Variants in CNTN3 observed in about 807,000 individuals in gnomAD.
The protein encoded by CNTN3 is contactin-3.
In CNTN3, 60 loss-of-function variants were observed where a neutral mutation model predicts 119.1. The ratio of observed to expected loss-of-function variants is 0.50; its 90% CI spans 0.41 to 0.62. The LOEUF (loss-of-function observed/expected upper bound fraction) is 0.62, where lower values mean the gene tolerates loss of function less well. Ranked by LOEUF, CNTN3 falls within the 20% of genes least tolerant of loss-of-function variation. The pLI is 0.00. For missense variants in CNTN3, 1,101 were observed against 1,242.4 expected (o/e 0.89, Z 1.71); for synonymous variants, 450 against 438.7 (o/e 1.03, Z -0.32).
intron 13 of CNTN3, among the ~76,000 whole-genome samples, chr3:74,330,730 C>A (rs185580725): frequency 3.3e-5 from 5 of 152,222 alleles, no homozygotes; most frequent in Admixed American, 3.3e-4. Flanking sequence ...CTGCAGACCT[C>A]CCAGTGAGAC....
chr3:74,308,079 G>C (rs1022984332), intron 13 of CNTN3, among the ~76,000 whole-genome samples: 1 of 152,124 alleles, frequency 6.6e-6, no homozygotes, highest in East Asian at 1.9e-4. Flanking sequence ...CTGGAACCTG[G>C]TTGGCGTTTT....
rs567227877 is a variant in CNTN3 at position 74,516,433 on chromosome 3, A to G, written c.55+4625T>C. Among the ~76,000 whole-genome samples the G allele has an allele frequency of 5.3e-5, 8 of 150,546 alleles. No individual in the cohort carries two copies. The South Asian group carries it at 1.7e-3, about 31-fold the overall frequency. On this transcript the variant is annotated intron_variant, in intron 2 of 22. Transcript: ENST00000263665. ...CTTCCACTTAATGAATAGTAACTAC[A>G]TTTTCTCTTCCTTATAATTTTCTTA...
intron 8 of CNTN3, among the ~76,000 whole-genome samples, chr3:74,366,780 G>GTATATATACATATATATA (rs1704202823): frequency 1.6e-5 from 1 of 63,714 alleles, no homozygotes; most frequent in African/African-American, 8.5e-5. Flanking sequence ...GTGTGTGTGT[G>GTATATATACATATATATA]TATATATATA....
At chr3:74,596,262 C>T (rs1224829373) in intron 1 of CNTN3, among the ~76,000 whole-genome samples, 1 of 152,072 alleles carries the variant, frequency 6.6e-6, no homozygotes, top group Non-Finnish European at 1.5e-5. Context: ...CCATACTACC[C>T]AAGGTAATTT....
intron 20 of CNTN3, among the ~76,000 whole-genome samples, chr3:74,282,767 GCT>G (rs1702039282): frequency 1.3e-5 from 2 of 152,068 alleles, no homozygotes; most frequent in Admixed American, 1.3e-4. Flanking sequence ...ATTATTAATG[GCT>G]CTAAGAGATT....
Position 74,598,247 on chromosome 3 carries a change from C to T in CNTN3, c.-81+16144G>A, listed in dbSNP as rs530593957. On this transcript the variant is annotated intron_variant, in intron 1 of 22. Coordinates refer to ENST00000263665, the MANE Select transcript of CNTN3 (RefSeq NM_020872.3). ...GGAATATAAGAGAAAAGAAAGCAAA[C>T]CTGGAAAGCTGGATGATGATAAGTG... 5.3e-5 allele frequency among the ~76,000 whole-genome samples: 8 copies of T among 152,132 alleles called. No homozygotes were observed. The South Asian group carries it at 1.5e-3, about 28-fold the overall frequency.
chr3:74,386,605 T>A (rs1704750121), intron 5 of CNTN3, among the ~76,000 whole-genome samples: 1 of 152,094 alleles, frequency 6.6e-6, no homozygotes, highest in South Asian at 2.1e-4. Context: ...AAAGCAACAA[T>A]TAAAACACAT....
intron 1 of CNTN3, among the ~76,000 whole-genome samples, chr3:74,536,369 C>A (rs1703765500): frequency 6.6e-6 from 1 of 152,028 alleles, no homozygotes; most frequent in South Asian, 2.1e-4. Context: ...GTATTTGTAA[C>A]TACTAGCAGG....
At chr3:74,549,256 C>T (rs1327885633) in intron 1 of CNTN3, among the ~76,000 whole-genome samples, 2 of 152,260 alleles carry the variant, frequency 1.3e-5, no homozygotes, top group African/African-American at 4.8e-5. Flanking sequence ...CTCTGTCCTG[C>T]CAGCCACGTG....
intron 1 of CNTN3, among the ~76,000 whole-genome samples, chr3:74,593,049 T>C (rs1215266537): frequency 6.6e-6 from 1 of 151,994 alleles, no homozygotes; most frequent in Non-Finnish European, 1.5e-5. Flanking sequence ...TTATATATTA[T>C]GGGATGCTGA....
At chr3:74,512,323 T>C (rs1703380891) in intron 2 of CNTN3, among the ~76,000 whole-genome samples, 1 of 152,096 alleles carries the variant, frequency 6.6e-6, no homozygotes. Flanking sequence ...GGTACCTGTG[T>C]TCAGTTATCT....
chr3:74,491,440 C>T (rs1471666871), intron 3 of CNTN3, among the ~76,000 whole-genome samples: 1 of 152,114 alleles, frequency 6.6e-6, no homozygotes, highest in Non-Finnish European at 1.5e-5. Flanking sequence ...ATGGAAGTTG[C>T]TGCCAGCTGA....
rs770428245 is a variant in CNTN3 at position 74,295,125 on chromosome 3, T to C, written c.2513A>G (p.Tyr838Cys). 1 of 1,595,232 alleles carries C rather than the reference T, an allele frequency of 6.3e-7. No individual in the cohort carries two copies. Among genetic ancestry groups the C allele is most frequent in the Non-Finnish European group, 8.6e-7 (1 of 1,163,338 alleles). Residue 838 changes from tyrosine (Y) to cysteine (C), a missense_variant, in exon 19 of 23, where the codon TAT becomes TGT. Physicochemically the swap from Tyr to Cys is radical, Grantham distance 194 (BLOSUM62 -2). Transcript: ENST00000263665. ...TTTAATCGGAAAAGAAATTACCTCA[T>C]AGCCCAGTAAATGTCCATTGCTCAA... is the stretch of plus-strand genomic sequence containing the variant. ...WKLSNGHLLG[Y>C]EVRYWNGGGK...
intron 13 of CNTN3, among the ~76,000 whole-genome samples, chr3:74,328,705 G>A (rs1703188267): frequency 1.3e-5 from 2 of 152,110 alleles, no homozygotes; most frequent in Non-Finnish European, 2.9e-5. Flanking sequence ...TAAATGATGA[G>A]TCAGGCAAAT....
At chr3:74,283,484 A>G (rs9849926) in intron 20 of CNTN3, among the ~76,000 whole-genome samples, 2,242 of 152,234 alleles carry the variant, frequency 0.015, 60 homozygotes, top group African/African-American at 0.05. Context: ...TAAAATTTTC[A>G]TTCATTCATT....
intron 4 of CNTN3, among the ~76,000 whole-genome samples, chr3:74,456,922 T>G (rs1042569264): frequency 1.3e-5 from 2 of 152,204 alleles, no homozygotes; most frequent in East Asian, 3.9e-4. Flanking sequence ...AAGTTTTTTT[T>G]ATGTACACTC....
chr3:74,317,665 C>T (rs541617225), intron 13 of CNTN3, among the ~76,000 whole-genome samples: 2 of 152,224 alleles, frequency 1.3e-5, no homozygotes, highest in South Asian at 2.1e-4. Flanking sequence ...GAATATTGGC[C>T]CCCACTATCT....
intron 1 of CNTN3, among the ~76,000 whole-genome samples, chr3:74,572,725 C>A (rs1704354449): frequency 6.6e-6 from 1 of 152,168 alleles, no homozygotes; most frequent in African/African-American, 2.4e-5. Context: ...TAAATACTTG[C>A]TTATAAAATT....
intron 13 of CNTN3, among the ~76,000 whole-genome samples, chr3:74,312,295 A>T (rs1702704257): frequency 6.6e-6 from 1 of 151,714 alleles, no homozygotes; most frequent in Non-Finnish European, 1.5e-5. Flanking sequence ...CTACTAAAAA[A>T]AATACAAAAA....
Sources: gnomAD v4.1 joint callset for allele counts (sites outside exome capture counted in the v4.1 genomes callset) on GRCh38, gnomAD v4.1.1 for gene constraint, MANE v1.5 for transcripts, NCBI Gene and HGNC (gene_info 2026-07-23, HGNC 2026-07-21) for gene names.